PDE1C: variants seen among roughly 807,000 people sequenced by gnomAD.
The protein encoded by PDE1C is dual specificity calcium/calmodulin-dependent 3',5'-cyclic nucleotide phosphodiesterase 1C.
A neutral mutation model predicts 93.1 loss-of-function variants in PDE1C; 62 were observed. The ratio of observed to expected loss-of-function variants is 0.67; its 90% CI spans 0.54 to 0.82. The LOEUF (loss-of-function observed/expected upper bound fraction) is 0.82. PDE1C is among the 40% of genes least tolerant of loss of function. PDE1C has a pLI of 0.00. For synonymous variants in PDE1C, 325 were observed against 310.1 expected, an observed-to-expected ratio of 1.05 and a Z score of -0.50; for missense variants, 742 against 884.6, an observed-to-expected ratio of 0.84 and a Z score of 2.04.
At chr7:32,305,032 T>C (rs12538119) in intron 1 of PDE1C, among the ~76,000 whole-genome samples, 18,063 of 152,192 alleles carry the variant, frequency 0.12, 1,179 homozygotes, top group East Asian at 0.18. Context: ...TATCACCCTG[T>C]GAGCAATGAG....
chr7:32,023,215 GTA>G (rs1220104252), intron 2 of PDE1C, among the ~76,000 whole-genome samples: 5 of 152,044 alleles, frequency 3.3e-5, no homozygotes. Context: ...AACAAAATCA[GTA>G]TAAAAGCCAG....
chr7:32,047,449 G>A (rs557385997), intron 2 of PDE1C, among the ~76,000 whole-genome samples: 56 of 152,302 alleles, frequency 3.7e-4, no homozygotes, highest in African/African-American at 1.3e-3. Flanking sequence ...TTCTGTGCAA[G>A]GAGAGGCTTA....
chr7:32,261,977 G>A (rs1010502612), intron 1 of PDE1C, among the ~76,000 whole-genome samples: 2 of 148,348 alleles, frequency 1.3e-5, no homozygotes, highest in East Asian at 2.0e-4. Flanking sequence ...CCCTGAGAAG[G>A]ATGGCTCACA....
chr7:31,926,864 G>A (rs907717655), intron 2 of PDE1C, among the ~76,000 whole-genome samples: 1 of 152,146 alleles, frequency 6.6e-6, no homozygotes, highest in African/African-American at 2.4e-5. Context: ...AAAACTATGT[G>A]GTCATTTGGG....
At chr7:32,193,596 G>C (rs1804384703) in intron 2 of PDE1C, among the ~76,000 whole-genome samples, 1 of 151,962 alleles carries the variant, frequency 6.6e-6, no homozygotes, top group South Asian at 2.1e-4. Flanking sequence ...ATGAGATTTT[G>C]GTCTGTAATT....
At chr7:31,912,382 G>T (rs1801347006) in intron 2 of PDE1C, among the ~76,000 whole-genome samples, 1 of 152,010 alleles carries the variant, frequency 6.6e-6, no homozygotes, top group South Asian at 2.1e-4. Context: ...TTATATCATG[G>T]TGTATTAAAA....
intron 16 of PDE1C, chr7:31,783,356 A>C (rs568580562): frequency 6.6e-6 from 1 of 152,308 alleles, no homozygotes. Context: ...GTCTTTCAGC[A>C]TGCAGGCAAA....
chr7:32,220,136 G>C (rs1362828416), intron 1 of PDE1C, among the ~76,000 whole-genome samples: 2 of 151,742 alleles, frequency 1.3e-5, no homozygotes, highest in Non-Finnish European at 2.9e-5. Flanking sequence ...CCCAGTCTTG[G>C]GTATGTCTTT....
At chr7:31,996,576 G>A (rs866053609) in intron 2 of PDE1C, among the ~76,000 whole-genome samples, 2 of 152,188 alleles carry the variant, frequency 1.3e-5, no homozygotes, top group African/African-American at 4.8e-5. Flanking sequence ...GAAGCCATGG[G>A]CTGGGAGCCT....
chr7:31,856,592 C>A (rs574236994), intron 7 of PDE1C, among the ~76,000 whole-genome samples: 1 of 151,534 alleles, frequency 6.6e-6, no homozygotes, highest in African/African-American at 2.4e-5. Context: ...TAGATGAGTT[C>A]AAAGTGCATT....
chr7:32,060,145 T>C (rs1794632449), intron 1 of PDE1C, among the ~76,000 whole-genome samples: 1 of 152,252 alleles, frequency 6.6e-6, no homozygotes, highest in Admixed American at 6.5e-5. Flanking sequence ...TTTTTTCTAA[T>C]TGAATTATTC....
intron 2 of PDE1C, among the ~76,000 whole-genome samples, chr7:32,013,725 A>G (rs1787478630): frequency 6.6e-6 from 1 of 152,242 alleles, no homozygotes; most frequent in South Asian, 2.1e-4. Context: ...TGTGGGAGCT[A>G]AGGACACAAA....
intron 1 of PDE1C, chr7:32,427,775 C>T (rs1445535106): frequency 6.6e-6 from 1 of 152,260 alleles, no homozygotes; most frequent in African/African-American, 2.4e-5. Context: ...CAGAAAGTCT[C>T]CAGGCAGCAG....
At chr7:32,030,981 A>G (rs1289204268) in intron 2 of PDE1C, among the ~76,000 whole-genome samples, 2 of 152,294 alleles carry the variant, frequency 1.3e-5, no homozygotes, top group East Asian at 1.9e-4. Context: ...TTTTACAACT[A>G]CATGAATTGT....
chr7:32,225,908 A>G (rs1807225759), intron 1 of PDE1C, among the ~76,000 whole-genome samples: 1 of 152,062 alleles, frequency 6.6e-6, no homozygotes, highest in African/African-American at 2.4e-5. Context: ...AAATACAAAA[A>G]TTAGCCGGGC....
At chr7:31,939,441 T>A (rs1805532151) in intron 2 of PDE1C, among the ~76,000 whole-genome samples, 1 of 152,132 alleles carries the variant, frequency 6.6e-6, no homozygotes, top group Non-Finnish European at 1.5e-5. Context: ...TATTTAGTGA[T>A]ATGATTTTGG....
rs116038079 is a variant in PDE1C at position 32,131,327 on chromosome 7, C to T, written c.308+38458G>A. On this transcript the variant is annotated intron_variant, in intron 3 of 18. Transcript: ENST00000396193. ...ATATCTGATTCTACTAGTCTGAAAA[C>T]ACAAGGTCTGTATTTAATCACTTCT... 2.0e-3 allele frequency among the ~76,000 whole-genome samples: 308 copies of T among 152,270 alleles called. 2 individuals carry two copies. The highest frequency in any genetic ancestry group is 7.2e-3 in the African/African-American group (300 of 41,542).
chr7:31,883,292 G>C (rs559764695), intron 2 of PDE1C, among the ~76,000 whole-genome samples: 1 of 152,280 alleles, frequency 6.6e-6, no homozygotes, highest in South Asian at 2.1e-4. Flanking sequence ...TTTAAGCACA[G>C]TGGTCTTCCA....
chr7:32,258,579 C>T lies in PDE1C; in HGVS notation c.85+40072G>A, dbSNP rs138226333. Among the ~76,000 whole-genome samples the T allele has an allele frequency of 2.8e-4, 43 of 152,224 alleles. No individual in the cohort carries two copies. In the East Asian group the frequency reaches 5.6e-3, roughly 20 times the overall value. On this transcript the variant is annotated intron_variant, in intron 1 of 18. Coordinates refer to the PDE1C transcript ENST00000396193. ...GTGCACATGCCCAGCACAATCTGTA[C>T]CAGCCATGGGAATTCAAGACTATGG... is the stretch of plus-strand genomic sequence containing the variant.
Sources: allele counts gnomAD v4.1 joint callset (sites outside exome capture counted in the v4.1 genomes callset), GRCh38; gene constraint gnomAD v4.1.1; transcripts MANE v1.5; gene names NCBI Gene and HGNC (gene_info 2026-07-23, HGNC 2026-07-21).